The following OR10G3 variants were observed in gnomAD, a reference collection of about 807,000 sequenced individuals.
OR10G3 encodes olfactory receptor family 10 subfamily G member 3.
Under a neutral mutation model 13.4 loss-of-function variants are expected in OR10G3, and 8 were observed. That is an observed-to-expected ratio of 0.60 (90% CI 0.35 to 1.08). OR10G3 has a LOEUF of 1.08. Among genes scored for constraint, OR10G3 ranks in the 50% least tolerant of loss-of-function variants. The pLI is 0.02. For synonymous variants in OR10G3, 142 were observed against 156.1 expected (o/e 0.91, Z 0.67); for missense variants, 393 against 386.6 (o/e 1.02, Z -0.14).
chr14:21,572,586 G>A (rs1037675186), intron 1 of OR10G3, among the ~76,000 whole-genome samples: 29 of 120,736 alleles, frequency 2.4e-4, no homozygotes, highest in African/African-American at 8.5e-4. Context: ...GACAGAGCGA[G>A]ACTCCATCTC....
intron 1 of OR10G3, among the ~76,000 whole-genome samples, chr14:21,573,597 A>C (rs962427515): frequency 2.0e-5 from 3 of 149,826 alleles, no homozygotes; most frequent in African/African-American, 7.4e-5. Flanking sequence ...GCTTGAACCC[A>C]GGAGGTGGAG....
intron 1 of OR10G3, among the ~76,000 whole-genome samples, chr14:21,578,407 A>G (rs12882448): frequency 1.3e-5 from 2 of 152,126 alleles, no homozygotes; most frequent in Non-Finnish European, 2.9e-5. Context: ...ATGAAACTCC[A>G]TCTCAAAATA....
intron 1 of OR10G3, among the ~76,000 whole-genome samples, chr14:21,579,153 T>C (rs539409508): frequency 3.0e-4 from 46 of 152,348 alleles, no homozygotes; most frequent in Admixed American, 4.6e-4. Context: ...TAATGGAGAA[T>C]AGCTTTGGAG....
At chr14:21,574,302 C>CAAA (rs587769086) in intron 1 of OR10G3, among the ~76,000 whole-genome samples, 4 of 96,748 alleles carry the variant, frequency 4.1e-5, no homozygotes, top group African/African-American at 4.1e-5. Flanking sequence ...GACTCCATCT[C>CAAA]AAAAAAAAAA....
intron 1 of OR10G3, among the ~76,000 whole-genome samples, chr14:21,577,207 C>T (rs1049369489): frequency 1.3e-5 from 2 of 151,022 alleles, no homozygotes; most frequent in South Asian, 2.1e-4. Flanking sequence ...GAGAGAGATA[C>T]GGAGGGACAG....
chr14:21,575,946 T>C lies in OR10G3; in HGVS notation c.-18+3840A>G, dbSNP rs116730786. Among the ~76,000 whole-genome samples the C allele has an allele frequency of 9.1e-3, 1,385 of 152,314 alleles. 23 individuals carry two copies. Among genetic ancestry groups the C allele is most frequent in the African/African-American group, 0.032 (1,319 of 41,568 alleles). On this transcript the variant is annotated intron_variant, in intron 1 of 1. Transcript: ENST00000641040. ...CTCTTCCAGATGCCAGAGCTACAGA[T>C]GCTGGCCTCCTCCCCGCGTTCCTTG...
chr14:21,570,394 G>T lies in OR10G3; in HGVS notation c.351C>A (p.Thr117=), dbSNP rs11626693. Residue 117 remains threonine, a synonymous_variant, in exon 2 of 2, where the codon ACC becomes ACA. Coordinates refer to ENST00000641040, the MANE Select transcript of OR10G3 (RefSeq NM_001005465.2). Reference sequence around the variant, plus strand: ...CCAGGTACCTGTCATAGGCCATTAGGGTGTAGAGGAAGCACTGGGTGCTGC... The same window carrying T: ...CCAGGTACCTGTCATAGGCCATTAGTGTGTAGAGGAAGCACTGGGTGCTGC... ...FLGSTQCFLY[T]LMAYDRYLAI... The T allele has an allele frequency of 0.29, 470,670 of 1,613,718 alleles. 72,444 individuals carry two copies. Among genetic ancestry groups the T allele is most frequent in the African/African-American group, 0.51 (37,985 of 74,882 alleles).
intron 1 of OR10G3, among the ~76,000 whole-genome samples, chr14:21,576,861 G>A (rs940807681): frequency 6.6e-5 from 10 of 152,152 alleles, no homozygotes; most frequent in Non-Finnish European, 2.9e-5. Flanking sequence ...CATCTTAAAG[G>A]GAGGAATGAG....
chr14:21,575,631 G>A (rs528479951), intron 1 of OR10G3, among the ~76,000 whole-genome samples: 10 of 152,022 alleles, frequency 6.6e-5, no homozygotes, highest in East Asian at 1.9e-4. Context: ...TGCTCGCCTC[G>A]GCCTCCCAAA....
intron 1 of OR10G3, among the ~76,000 whole-genome samples, chr14:21,575,644 A>ACGGGAGGC (rs1566537904): frequency 6.6e-6 from 1 of 151,092 alleles, no homozygotes; most frequent in East Asian, 2.0e-4. Context: ...CTCCCAAAGT[A>ACGGGAGGC]CTGGGATTAC....
chr14:21,568,633 A>AGT lies in OR10G3; in HGVS notation c.*1168_*1169dup, dbSNP rs1186713556. 6.6e-6 allele frequency: 1 copy of AGT among 151,694 alleles called. No homozygotes were observed. Among genetic ancestry groups the AGT allele is most frequent in the Non-Finnish European group, 1.5e-5 (1 of 68,010 alleles). The allele number at this position is 151,694 out of a possible 1,614,324, so 9.4% of individuals were successfully genotyped here. On this transcript the variant is annotated 3_prime_UTR_variant, in exon 2 of 2. Coordinates refer to ENST00000641040, the MANE Select transcript of OR10G3 (RefSeq NM_001005465.2). ...ATTTTGGTGCACCCATAACCCAAGC[A>AGT]GTGTACACTGTACCCAATATGTAGT...
At chr14:21,578,570 G>A (rs976585669) in intron 1 of OR10G3, among the ~76,000 whole-genome samples, 2 of 151,990 alleles carry the variant, frequency 1.3e-5, no homozygotes, top group African/African-American at 4.8e-5. Context: ...CTAATGAGGC[G>A]AAGGGCACAG....
At chr14:21,575,343 A>C (rs113208675) in intron 1 of OR10G3, among the ~76,000 whole-genome samples, 12,835 of 147,870 alleles carry the variant, frequency 0.087, 672 homozygotes, top group South Asian at 0.21. Context: ...GGCCTCCCAA[A>C]GTGCTGGGAT....
At chr14:21,573,415 G>A (rs991002700) in intron 1 of OR10G3, among the ~76,000 whole-genome samples, 1 of 152,148 alleles carries the variant, frequency 6.6e-6, no homozygotes, top group East Asian at 1.9e-4. Flanking sequence ...GCTCACGCCT[G>A]TAATCCCAGC....
intron 1 of OR10G3, among the ~76,000 whole-genome samples, chr14:21,572,608 C>A (rs150034358): frequency 2.8e-3 from 305 of 110,456 alleles, no homozygotes; most frequent in African/African-American, 4.5e-3. Flanking sequence ...AACAAACAAA[C>A]AAAAAAAAAA....
chr14:21,575,291 C>A (rs1850904281), intron 1 of OR10G3, among the ~76,000 whole-genome samples: 1 of 151,976 alleles, frequency 6.6e-6, no homozygotes, highest in South Asian at 2.1e-4. Flanking sequence ...CCGTGTTAGC[C>A]AGGATGGTCT....
rs1323995569 is a variant in OR10G3 at position 21,570,373 on chromosome 14, G to A, written c.372C>T (p.Tyr124=). Reference sequence around the variant, plus strand: ...AGCGCAGGGGCTGACATATTGCCAGGTACCTGTCATAGGCCATTAGGGTGT... The same window carrying A: ...AGCGCAGGGGCTGACATATTGCCAGATACCTGTCATAGGCCATTAGGGTGT... ...FLYTLMAYDR[Y]LAICQPLRYP... The change falls in exon 2 of 2, where the codon TAC becomes TAT. Residue 124 remains tyrosine (Y), a synonymous_variant. Transcript: ENST00000641040. 2 of 1,614,182 alleles carry A rather than the reference G, an allele frequency of 1.2e-6. No homozygotes were observed. Among genetic ancestry groups the A allele is most frequent in the Non-Finnish European group, 1.7e-6 (2 of 1,180,018 alleles).
Position 21,569,870 on chromosome 14 carries a change from C to T in OR10G3, c.875G>A (p.Arg292Gln), listed in dbSNP as rs80295194. 3.6e-3 allele frequency: 5,739 copies of T among 1,614,134 alleles called. 165 individuals carry two copies. The South Asian group carries it at 0.039, about 11-fold the overall frequency. ...CAGGGCCAGCTTCACCTCTTGGTTCCGCAGAGTGTAGATAAGGGGGTTGAG... is the reference window on the plus strand; with the variant it reads ...CAGGGCCAGCTTCACCTCTTGGTTCTGCAGAGTGTAGATAAGGGGGTTGAG... The part of the protein sequence containing the change: ...PFLNPLIYTL[R>Q]NQEVKLALKR... The change falls in exon 2 of 2, where the codon CGG becomes CAG. Residue 292 changes from arginine to glutamine, a missense_variant. By Grantham distance (43) the Arg-to-Gln change is conservative (BLOSUM62 1). Transcript: ENST00000641040.
rs200597674 is a variant in OR10G3, at chr14:21,570,692, G to A, written c.53C>T (p.Pro18Leu). Residue 18 changes from proline (P) to leucine (L), a missense_variant, in exon 2 of 2, where the codon CCG becomes CTG. Physicochemically the swap from Pro to Leu is moderately conservative, Grantham distance 98. Transcript: ENST00000641040. ...LLTAFILTGI[P>L]YPLRLRTLFF... Reference sequence around the variant, plus strand: ...GAGTGTCCTTAGCCTGAGTGGATACGGAATTCCTGTCAGGATAAACGCAGT... The same window carrying A: ...GAGTGTCCTTAGCCTGAGTGGATACAGAATTCCTGTCAGGATAAACGCAGT... The A allele has an allele frequency of 1.4e-5, 23 of 1,604,794 alleles. No homozygotes were observed. The highest frequency in any genetic ancestry group is 2.2e-5 in the East Asian group (1 of 44,884).
Sources: allele counts gnomAD v4.1 joint callset (sites outside exome capture counted in the v4.1 genomes callset), GRCh38; gene constraint gnomAD v4.1.1; transcripts MANE v1.5; gene names NCBI Gene and HGNC (gene_info 2026-07-23, HGNC 2026-07-21).